The following SNX2 variants were observed in gnomAD, a reference collection of about 807,000 sequenced individuals.
The protein encoded by SNX2 is sorting nexin 2, also known as sorting nexin-2.
A neutral mutation model predicts 69.9 loss-of-function variants in SNX2; 25 were observed. The observed-to-expected ratio is 0.36, with a 90% CI of 0.26 to 0.50. The LOEUF is 0.50. Ranked by LOEUF, SNX2 falls within the 20% of genes least tolerant of loss-of-function variation. The probability of loss-of-function intolerance (pLI) is 0.97; values close to 1 mark genes in which losing one functional copy is unlikely to be tolerated. For synonymous variants in SNX2, 229 were observed against 200.4 expected (o/e 1.14, Z -1.20); for missense variants, 551 against 613.3 (o/e 0.90, Z 1.07).
At chr5:122,825,051 G>A (rs948568937) in intron 11 of SNX2, among the ~76,000 whole-genome samples, 1 of 152,038 alleles carries the variant, frequency 6.6e-6, no homozygotes, top group Non-Finnish European at 1.5e-5. Flanking sequence ...TCCAAAGCCT[G>A]CTTTTTAAAA....
Position 122,803,471 on chromosome 5 carries a change from G to C in SNX2, c.502-1G>C. 6.2e-7 allele frequency: 1 copy of C among 1,605,642 alleles called. No individual in the cohort carries two copies. The highest frequency in any genetic ancestry group is 8.5e-7 in the Non-Finnish European group (1 of 1,177,558). ...TTGAAACACCTCTTCTTCACTTGTAGACATCTCTTTCCATGTTCAGTAAGA... is the reference window on the plus strand; with the variant it reads ...TTGAAACACCTCTTCTTCACTTGTACACATCTCTTTCCATGTTCAGTAAGA... On this transcript the variant is annotated splice_acceptor_variant, in intron 5 of 14. Coordinates refer to ENST00000379516, the MANE Select transcript of SNX2 (RefSeq NM_003100.4). LOFTEE classifies it high-confidence loss of function.
chr5:122,823,722 G>T (rs1754080375), intron 11 of SNX2, among the ~76,000 whole-genome samples: 1 of 53,962 alleles, frequency 1.9e-5, no homozygotes, highest in Non-Finnish European at 4.0e-5. Context: ...ATGTGGGTGT[G>T]TGTGTGTGTG....
intron 7 of SNX2, among the ~76,000 whole-genome samples, chr5:122,813,060 A>G (rs1753816079): frequency 6.6e-6 from 1 of 152,146 alleles, no homozygotes; most frequent in Middle Eastern, 3.2e-3. Flanking sequence ...ATATTGATCA[A>G]TTCCATTGTC....
At position 122,795,323 on chromosome 5, in the gene SNX2, T is replaced by C; in HGVS notation, c.166T>C (p.Ser56Pro). The change falls in exon 2 of 15, where the codon TCC becomes CCC. Residue 56 changes from serine to proline, a missense_variant. Around this residue, in one of 2 missense-constraint regions of SNX2, gnomAD observed 191 missense variants for 162.9 expected, o/e 1.17. Transcript: ENST00000379516. ...SLPAEDISANSNGPKPTEVVL... is the reference protein window; with the variant it reads ...SLPAEDISANPNGPKPTEVVL... Reference sequence around the variant, plus strand: ...TCCTGCAGAAGATATTAGTGCAAACTCCAATGGCCCAAAACCCACAGAAGT... The same window carrying C: ...TCCTGCAGAAGATATTAGTGCAAACCCCAATGGCCCAAAACCCACAGAAGT... 2 of 1,613,972 alleles carry C rather than the reference T, an allele frequency of 1.2e-6. No homozygotes were observed. Among genetic ancestry groups the C allele is most frequent in the Non-Finnish European group, 1.7e-6 (2 of 1,179,924 alleles).
intron 10 of SNX2, among the ~76,000 whole-genome samples, chr5:122,818,518 G>C (rs1421881593): frequency 2.0e-5 from 3 of 152,142 alleles, no homozygotes; most frequent in Admixed American, 6.5e-5. Flanking sequence ...AATGGGCAGA[G>C]AAACAGTGAA....
rs964746013 is a variant in SNX2 at position 122,831,249 on chromosome 5, G to A, written c.*1601G>A. Among the ~76,000 whole-genome samples, 1 of 152,064 alleles carries A rather than the reference G, an allele frequency of 6.6e-6. No homozygotes were observed. The highest frequency in any genetic ancestry group is 2.4e-5 in the African/African-American group (1 of 41,376). On this transcript the variant is annotated 3_prime_UTR_variant, in exon 15 of 15. Transcript: ENST00000379516. ...AGTTGAAATGTTAAGCCTTCTATAG[G>A]TGTTATTCATATTTATACTCCCACA...
At chr5:122,804,762 C>A (rs546898934) in intron 6 of SNX2, among the ~76,000 whole-genome samples, 1 of 152,312 alleles carries the variant, frequency 6.6e-6, no homozygotes, top group East Asian at 1.9e-4. Context: ...TAAAAGACAT[C>A]TGTCATCTCA....
chr5:122,807,590 C>T (rs1753686593), intron 6 of SNX2, among the ~76,000 whole-genome samples: 1 of 152,018 alleles, frequency 6.6e-6, no homozygotes, highest in South Asian at 2.1e-4. Context: ...ACCTTGTTTC[C>T]ACAGAATACA....
intron 11 of SNX2, among the ~76,000 whole-genome samples, chr5:122,819,791 A>T (rs1271442662): frequency 6.6e-6 from 1 of 152,168 alleles, no homozygotes; most frequent in East Asian, 1.9e-4. Flanking sequence ...AAAGTTAATG[A>T]GATCTTGTTT....
chr5:122,831,105 C>T lies in SNX2; in HGVS notation c.*1457C>T, dbSNP rs1374113478. On this transcript the variant is annotated 3_prime_UTR_variant, in exon 15 of 15. Transcript: ENST00000379516. ...CAAACACCCCTCTTCTTGAGCTTAA[C>T]CACCACATATCCCTTCCATAGGAAC... Among the ~76,000 whole-genome samples, 2 of 150,748 alleles carry T rather than the reference C, an allele frequency of 1.3e-5. No individual in the cohort carries two copies. The highest frequency in any genetic ancestry group is 4.9e-5 in the African/African-American group (2 of 40,978).
intron 5 of SNX2, 92 bp downstream of exon 5, chr5:122,802,216 C>A: frequency 9.0e-7 from 1 of 1,107,358 alleles, no homozygotes; most frequent in African/African-American, 1.5e-5. Context: ...TGATCCCTGT[C>A]TTTATAAAGG....
intron 2 of SNX2, among the ~76,000 whole-genome samples, chr5:122,798,862 C>T (rs1347726608): frequency 3.3e-5 from 5 of 152,112 alleles, no homozygotes; most frequent in African/African-American, 1.2e-4. Flanking sequence ...TGTTCTGTAG[C>T]TCATGTAGCA....
At chr5:122,801,652 C>CGT (rs61189602) in intron 3 of SNX2, among the ~76,000 whole-genome samples, 11,997 of 132,022 alleles carry the variant, frequency 0.091, 549 homozygotes, top group Non-Finnish European at 0.11. Context: ...TGGTCTTTTT[C>CGT]GTGTGTGTGT....
chr5:122,785,025 G>A (rs1345274668), intron 1 of SNX2, among the ~76,000 whole-genome samples: 2 of 152,102 alleles, frequency 1.3e-5, no homozygotes, highest in East Asian at 1.9e-4. Context: ...TTATCATCCT[G>A]TTAACATGTT....
chr5:122,788,915 T>A (rs996597145), intron 1 of SNX2, among the ~76,000 whole-genome samples: 1 of 152,212 alleles, frequency 6.6e-6, no homozygotes, highest in African/African-American at 2.4e-5. Context: ...TATTTCTAGG[T>A]TGACATCTGT....
chr5:122,825,190 C>T (rs1754126232), intron 11 of SNX2, among the ~76,000 whole-genome samples: 1 of 151,986 alleles, frequency 6.6e-6, no homozygotes, highest in Non-Finnish European at 1.5e-5. Flanking sequence ...CTGGTTCACC[C>T]AATTTATTAA....
At position 122,817,275 on chromosome 5, in the gene SNX2, C is replaced by G; in HGVS notation, c.913-5C>G. The G allele has an allele frequency of 6.2e-7, 1 of 1,610,670 alleles. No individual in the cohort carries two copies. The highest frequency in any genetic ancestry group is 8.5e-7 in the Non-Finnish European group (1 of 1,178,534). On this transcript the variant is annotated splice_polypyrimidine_tract_variant and splice_region_variant and intron_variant, in intron 9 of 14. Transcript: ENST00000379516. ...AATTAGCTCCATTTTTCATTTTTTT[C>G]TTAGTGGTTTGAAGAAAAGCAGCAG...
intron 11 of SNX2, among the ~76,000 whole-genome samples, chr5:122,821,730 C>G (rs1037054925): frequency 6.6e-6 from 1 of 152,164 alleles, no homozygotes; most frequent in African/African-American, 2.4e-5. Context: ...GCTGGGATTA[C>G]AGGCGTGAGC....
Position 122,803,474 on chromosome 5 carries a change from A to T in SNX2, c.504A>T (p.Thr168=). Residue 168 remains threonine, a splice_region_variant and synonymous_variant, in exon 6 of 15, where the codon ACA becomes ACT. Transcript: ENST00000379516. The part of the protein sequence containing the change: ...AYMAYRVTTK[T]SLSMFSKSEF... ...AAACACCTCTTCTTCACTTGTAGAC[A>T]TCTCTTTCCATGTTCAGTAAGAGTG... 6.2e-7 allele frequency: 1 copy of T among 1,606,154 alleles called. No individual in the cohort carries two copies. Among genetic ancestry groups the T allele is most frequent in the Non-Finnish European group, 8.5e-7 (1 of 1,177,830 alleles).
Sources: gnomAD v4.1 joint callset for allele counts (sites outside exome capture counted in the v4.1 genomes callset) on GRCh38, gnomAD v4.1.1 for gene constraint, gnomAD v4.1.1 regional missense constraint, MANE v1.5 for transcripts, NCBI Gene and HGNC (gene_info 2026-07-23, HGNC 2026-07-21) for gene names.